The following ABCB9 variants were observed in gnomAD, a reference collection of about 807,000 sequenced individuals.
The protein encoded by ABCB9 is ATP binding cassette subfamily B member 9, also known as ABC-type oligopeptide transporter ABCB9.
Under a neutral mutation model 62.0 loss-of-function variants are expected in ABCB9, and 36 were observed. The ratio of observed to expected loss-of-function variants is 0.58; its 90% CI spans 0.45 to 0.77. The LOEUF (loss-of-function observed/expected upper bound fraction) is 0.77. ABCB9 is among the 30% of genes least tolerant of loss of function. ABCB9 has a pLI of 0.00. For missense variants in ABCB9, 943 were observed against 1,054.7 expected (o/e 0.89, Z 1.47); for synonymous variants, 435 against 461.4 (o/e 0.94, Z 0.73).
At chr12:122,949,986 C>T (rs919570495) in intron 3 of ABCB9, 68 bp from the exon 4 acceptor site, 1 of 1,597,280 alleles carries the variant, frequency 6.3e-7, no homozygotes, top group Non-Finnish European at 8.6e-7. Context: ...CGGCTGCCCC[C>T]TCCCGCTGCC....
intron 1 of ABCB9, among the ~76,000 whole-genome samples, chr12:122,963,301 G>A (rs892976593): frequency 1.3e-5 from 2 of 152,094 alleles, no homozygotes; most frequent in Admixed American, 6.6e-5. Context: ...AAATGCTACC[G>A]GGAAGTGTTC....
chr12:122,973,578 G>GAAAAAAAAAAAAAAA (rs57853191), intron 1 of ABCB9, among the ~76,000 whole-genome samples: 3 of 50,338 alleles, frequency 6.0e-5, no homozygotes, highest in Non-Finnish European at 1.1e-4. Context: ...CTCAAAAAAA[G>GAAAAAAAAAAAAAAA]AAAAAAAAAA....
rs1472535283 is a variant in ABCB9, at chr12:122,921,030, C to A, written c.*8G>T. ...CCATCTCGGTTCTGATATCTGCAGGCTGGTCATTCAGATCTAAGAAGATAA... is the reference window on the plus strand; with the variant it reads ...CCATCTCGGTTCTGATATCTGCAGGATGGTCATTCAGATCTAAGAAGATAA... On this transcript the variant is annotated 3_prime_UTR_variant, in exon 12 of 12. Coordinates refer to the ABCB9 transcript ENST00000344275. The A allele has an allele frequency of 2.0e-6, 3 of 1,535,194 alleles. No homozygotes were observed. In the Admixed American group the frequency reaches 5.9e-5, roughly 30 times the overall value.
Position 122,944,699 on chromosome 12 carries a change from G to C in ABCB9, c.1252-180C>G. The C allele has an allele frequency of 4.9e-6, 4 of 811,962 alleles. No homozygotes were observed. The highest frequency in any genetic ancestry group is 7.4e-6 in the Non-Finnish European group (4 of 540,816). 50.3% of individuals were successfully genotyped at this position (811,962 alleles called of 1,614,324 possible). A position where few individuals can be genotyped will look rare whatever the true frequency, so the allele number is the denominator to read the frequency against. On this transcript the variant is annotated intron_variant, in intron 6 of 11. Coordinates refer to ENST00000280560, the MANE Select transcript of ABCB9 (RefSeq NM_019625.4). This position sits in a 1 kb window ranked among gnomAD's most constrained non-coding sequence, Gnocchi z 4.9. ...TCACTCATGCCTTCCCCTGCCCCGA[G>C]CATTTCCCTACAGAGGCCTCCAGCT... is the stretch of plus-strand genomic sequence containing the variant.
downstream of ABCB9, among the ~76,000 whole-genome samples, chr12:122,925,742 C>T (rs753435696): frequency 3.9e-5 from 6 of 152,080 alleles, no homozygotes; most frequent in South Asian, 2.1e-4. Flanking sequence ...AGCGAGACTC[C>T]GTCTCAAACA....
At chr12:122,934,014 C>T (rs2035328768) in intron 10 of ABCB9, among the ~76,000 whole-genome samples, 1 of 152,268 alleles carries the variant, frequency 6.6e-6, no homozygotes, top group African/African-American at 2.4e-5. Context: ...GAAGCCAAGG[C>T]AGGCAGATCA....
rs761891673 is a variant in ABCB9 at position 122,950,580 on chromosome 12, G to C, written c.602-15C>G. On this transcript the variant is annotated splice_polypyrimidine_tract_variant and intron_variant, in intron 2 of 11. Coordinates refer to ENST00000280560, the MANE Select transcript of ABCB9 (RefSeq NM_019625.4). ...GAAGGTCTCTCCTGGGGGAGGCAGG[G>C]CAGCCTCAGGGACGTCTGCAGCCAG... 1.2e-6 allele frequency: 2 copies of C among 1,603,580 alleles called. No homozygotes were observed. The highest frequency in any genetic ancestry group is 1.7e-5 in the Admixed American group (1 of 59,570).
chr12:122,960,409 T>G, intron 1 of ABCB9, 87 bp from the exon 2 acceptor site: 1 of 873,210 alleles, frequency 1.1e-6, no homozygotes, highest in Admixed American at 2.9e-5. Context: ...ACTTGACATC[T>G]CTGAGCCTTA....
In ABCB9 at chr12:122,940,119, G is replaced by GC. The variant is rs2035670563; in HGVS notation, c.1734dup (p.His579AlafsTer21). The GC allele has an allele frequency of 1.2e-6, 2 of 1,610,986 alleles. No individual in the cohort carries two copies. Among genetic ancestry groups the GC allele is most frequent in the South Asian group, 1.1e-5 (1 of 90,492 alleles). On this transcript the variant is annotated frameshift_variant, in exon 9 of 12. Coordinates refer to ENST00000280560, the MANE Select transcript of ABCB9 (RefSeq NM_019625.4). LOFTEE classifies it high-confidence loss of function. The surrounding 1 kb of genome is among the most constrained non-coding windows in gnomAD (Gnocchi z 4.8). ...CAGGCCCGTGCACATACCACACGGT[G>GC]CAAGTACTTGTGGTCGTAGGCGCTG... is the stretch of plus-strand genomic sequence containing the variant.
rs1396584242 is a variant in ABCB9 at position 122,944,175 on chromosome 12, C to T, written c.1380+216G>A. Among the ~76,000 whole-genome samples the T allele has an allele frequency of 6.6e-6, 1 of 152,090 alleles. No individual in the cohort carries two copies. The highest frequency in any genetic ancestry group is 1.5e-5 in the Non-Finnish European group (1 of 68,008). ...AACTCCTGACCTCAAGTGATCCACCCGCCTCCGCCTCCCAAAGTTCTGGGA... is the reference window on the plus strand; with the variant it reads ...AACTCCTGACCTCAAGTGATCCACCTGCCTCCGCCTCCCAAAGTTCTGGGA... On this transcript the variant is annotated intron_variant, in intron 7 of 11. Transcript: ENST00000280560. The surrounding 1 kb of genome is among the most constrained non-coding windows in gnomAD (Gnocchi z 4.9).
intron 6 of ABCB9, among the ~76,000 whole-genome samples, chr12:122,945,809 C>T (rs1340761513): frequency 4.3e-5 from 6 of 140,986 alleles, no homozygotes; most frequent in African/African-American, 8.2e-5. Context: ...ACCCAGGAGG[C>T]GGAGGTTGCA....
At chr12:122,968,059 TA>T (rs2037225120), upstream of ABCB9, among the ~76,000 whole-genome samples, 1 of 150,710 alleles carries the variant, frequency 6.6e-6, no homozygotes, top group Admixed American at 6.6e-5. Flanking sequence ...TTCAACAGAA[TA>T]CTCTGTAGCC....
At position 122,944,564 on chromosome 12, in the gene ABCB9, C is replaced by A; in HGVS notation, c.1252-45G>T. The A allele has an allele frequency of 6.2e-7, 1 of 1,601,848 alleles. No homozygotes were observed. The highest frequency in any genetic ancestry group is 8.5e-7 in the Non-Finnish European group (1 of 1,173,056). ...GATGTGGGTCGAGGGGACCTTAGATCCCCCACCATCCCCATTCCCTGACCC... is the reference window on the plus strand; with the variant it reads ...GATGTGGGTCGAGGGGACCTTAGATACCCCACCATCCCCATTCCCTGACCC... On this transcript the variant is annotated intron_variant, in intron 6 of 11. Transcript: ENST00000280560. The surrounding 1 kb of genome is among the most constrained non-coding windows in gnomAD (Gnocchi z 4.9).
chr12:122,972,560 G>T lies in ABCB9; in HGVS notation c.-88+2155C>A, dbSNP rs561535114. Among the ~76,000 whole-genome samples the T allele has an allele frequency of 4.7e-4, 72 of 152,168 alleles. 1 individual carries two copies. The highest frequency in any genetic ancestry group is 4.1e-3 in the Admixed American group (63 of 15,294). On this transcript the variant is annotated intron_variant, in intron 1 of 11. Transcript: ENST00000392439. ...GAGTCTCACTCTGTCGCCCAGGCTGGAGTGCAGTGGCGCAATCTCGGCTCA... is the reference window on the plus strand; with the variant it reads ...GAGTCTCACTCTGTCGCCCAGGCTGTAGTGCAGTGGCGCAATCTCGGCTCA...
intron 1 of ABCB9, among the ~76,000 whole-genome samples, chr12:122,963,864 G>A (rs2037037241): frequency 6.6e-6 from 1 of 152,228 alleles, no homozygotes; most frequent in South Asian, 2.1e-4. Context: ...TCAAGGGCAA[G>A]GGGAAGTGGG....
Position 122,960,304 on chromosome 12 carries a change from C to T in ABCB9, c.-69G>A. On this transcript the variant is annotated 5_prime_UTR_variant, in exon 2 of 12. An upstream open reading frame in the 5' UTR gains an earlier in-frame stop. Transcript: ENST00000280560. ...CTCACGGGGGCAAGGCCATCATCATCCACAGGGCGAGGCCAGGCCTGTAGG... is the reference window on the plus strand; with the variant it reads ...CTCACGGGGGCAAGGCCATCATCATTCACAGGGCGAGGCCAGGCCTGTAGG... 6.5e-7 allele frequency: 1 copy of T among 1,550,160 alleles called. No individual in the cohort carries two copies. Among genetic ancestry groups the T allele is most frequent in the Non-Finnish European group, 8.7e-7 (1 of 1,146,956 alleles).
At chr12:122,956,623 C>T (rs1459836993) in intron 2 of ABCB9, among the ~76,000 whole-genome samples, 3 of 152,194 alleles carry the variant, frequency 2.0e-5, no homozygotes, top group African/African-American at 7.2e-5. Context: ...CAGGTTCAAG[C>T]AATTCTCCTG....
rs1166755354 is a variant in ABCB9, at chr12:122,964,782, C to G, written c.-88+1505G>C. On this transcript the variant is annotated intron_variant, in intron 1 of 11. Coordinates refer to ENST00000280560, the MANE Select transcript of ABCB9 (RefSeq NM_019625.4). This position sits in a 1 kb window ranked among gnomAD's most constrained non-coding sequence, Gnocchi z 4.7. ...AGAATAGGCCCCACCCAGAACCGGA[C>G]AAGGCCCAGGAAGACAGGGGTGGCT... Among the ~76,000 whole-genome samples the G allele has an allele frequency of 6.6e-6, 1 of 152,214 alleles. No individual in the cohort carries two copies. Among genetic ancestry groups the G allele is most frequent in the Admixed American group, 6.5e-5 (1 of 15,288 alleles).
chr12:122,973,810 G>T (rs1430870129), intron 1 of ABCB9, among the ~76,000 whole-genome samples: 1 of 151,744 alleles, frequency 6.6e-6, no homozygotes, highest in Non-Finnish European at 1.5e-5. Context: ...ACAGTGAGCC[G>T]AGATCGTGCC....
Sources: gnomAD v4.1 joint callset for allele counts (sites outside exome capture counted in the v4.1 genomes callset) on GRCh38, gnomAD v4.1.1 for gene constraint, Gnocchi (gnomAD v3.1) non-coding constraint, MANE v1.5 for transcripts, NCBI Gene and HGNC (gene_info 2026-07-23, HGNC 2026-07-21) for gene names.